The following TMEM181 variants were observed in gnomAD, a reference collection of about 807,000 sequenced individuals.
The protein encoded by TMEM181 is transmembrane protein 181.
Under a neutral mutation model 71.9 loss-of-function variants are expected in TMEM181, and 39 were observed. The observed-to-expected ratio is 0.54, with a 90% CI of 0.42 to 0.71. TMEM181 has a LOEUF of 0.71. TMEM181 is among the 30% of genes least tolerant of loss of function. TMEM181 has a pLI of 0.00. For missense variants in TMEM181, 595 were observed against 583.0 expected (o/e 1.02, Z -0.21); for synonymous variants, 245 against 228.8 (o/e 1.07, Z -0.64).
intron 5 of TMEM181, among the ~76,000 whole-genome samples, chr6:158,589,115 C>T (rs115034505): frequency 7.1e-4 from 108 of 152,350 alleles, no homozygotes; most frequent in African/African-American, 2.5e-3. Context: ...CACGTATCCT[C>T]ACATCTGCAC....
chr6:158,612,020 G>A (rs12208498), intron 10 of TMEM181, among the ~76,000 whole-genome samples: 12,684 of 150,082 alleles, frequency 0.085, 651 homozygotes, highest in Middle Eastern at 0.21. Context: ...CTATCTTAGC[G>A]CATTTAAAGG....
intron 6 of TMEM181, among the ~76,000 whole-genome samples, chr6:158,593,855 A>G (rs1784245087): frequency 6.6e-6 from 1 of 152,080 alleles, no homozygotes; most frequent in Non-Finnish European, 1.5e-5. Flanking sequence ...CCCCATTGTC[A>G]GCATCTCGCA....
intron 10 of TMEM181, among the ~76,000 whole-genome samples, chr6:158,619,977 G>A (rs118175419): frequency 6.6e-6 from 1 of 152,098 alleles, no homozygotes; most frequent in East Asian, 1.9e-4. Context: ...TGCCATTCCT[G>A]GTGATAAAAT....
Position 158,608,257 on chromosome 6 carries a change from G to A in TMEM181, c.674-76G>A, listed in dbSNP as rs535061783. 453 of 1,517,780 alleles carry A rather than the reference G, an allele frequency of 3.0e-4. 1 individual carries two copies. The highest frequency in any genetic ancestry group is 3.1e-4 in the Non-Finnish European group (348 of 1,129,772). 94.0% of individuals were successfully genotyped at this position (1,517,780 alleles called of 1,614,324 possible). A position where few individuals can be genotyped will look rare whatever the true frequency, so the allele number is the denominator to read the frequency against. On this transcript the variant is annotated intron_variant, in intron 8 of 16. Transcript: ENST00000684151. ...GTGCTCTCTGCTAGGTGCTGACCCC[G>A]CAGAGGTATGGGGTGCTGTCTGCCA...
chr6:158,570,399 A>ATT (rs536558603), intron 1 of TMEM181, among the ~76,000 whole-genome samples: 1 of 142,686 alleles, frequency 7.0e-6, no homozygotes. Flanking sequence ...AGCCTGGCTA[A>ATT]TTTTTTTTTT....
At position 158,623,636 on chromosome 6, in the gene TMEM181, TTTC is replaced by T. The variant is rs1186998758; in HGVS notation, c.954+35_954+37del. The T allele has an allele frequency of 1.7e-5, 25 of 1,505,970 alleles. No individual in the cohort carries two copies. The Middle Eastern group carries it at 8.6e-4, about 52-fold the overall frequency. 93.3% of individuals were successfully genotyped at this position (1,505,970 alleles called of 1,614,324 possible). A position where few individuals can be genotyped will look rare whatever the true frequency, so the allele number is the denominator to read the frequency against. ...AGGATTGTTAATGAGGCCTGCAATT[TTTC>T]TTCTTAATGCTGTTTTGTAAAATTA... On this transcript the variant is annotated intron_variant, in intron 11 of 16. Coordinates refer to ENST00000684151, the MANE Select transcript of TMEM181 (RefSeq NM_001376852.1).
intron 6 of TMEM181, among the ~76,000 whole-genome samples, chr6:158,601,180 A>G (rs1394184841): frequency 6.6e-6 from 1 of 152,234 alleles, no homozygotes; most frequent in Non-Finnish European, 1.5e-5. Context: ...GGTTTATAGT[A>G]GTAACTATTG....
rs1196857164 is a variant in TMEM181, at chr6:158,632,839, GGGA to G, written c.*955_*957del. On this transcript the variant is annotated 3_prime_UTR_variant, in exon 17 of 17. Transcript: ENST00000684151. Reference sequence around the variant, plus strand: ...TCTCAACACTTTGGGAGGCCAAGGTGGGAGGATCACTTGAGCCCAGGAGTTTGA... The same window carrying G: ...TCTCAACACTTTGGGAGGCCAAGGTGGGATCACTTGAGCCCAGGAGTTTGA... The G allele has an allele frequency of 2.0e-5, 3 of 152,600 alleles. No individual in the cohort carries two copies. Among genetic ancestry groups the G allele is most frequent in the Non-Finnish European group, 2.9e-5 (2 of 68,238 alleles). 9.5% of individuals were successfully genotyped at this position (152,600 alleles called of 1,614,324 possible). A position where few individuals can be genotyped will look rare whatever the true frequency, so the allele number is the denominator to read the frequency against.
chr6:158,587,710 G>C (rs139267823), intron 5 of TMEM181, among the ~76,000 whole-genome samples: 489 of 151,968 alleles, frequency 3.2e-3, no homozygotes, highest in African/African-American at 0.011. Flanking sequence ...TTGCAGGTGG[G>C]AAAGCTGAGG....
intron 2 of TMEM181, among the ~76,000 whole-genome samples, chr6:158,578,772 C>T (rs1692463960): frequency 6.6e-6 from 1 of 152,130 alleles, no homozygotes; most frequent in Non-Finnish European, 1.5e-5. Flanking sequence ...AATAAACTCT[C>T]CAATTAAAAA....
At chr6:158,544,182 A>AGAGTGTGTGTGTGTGTGTGTGTGTGT (rs149735409) in intron 1 of TMEM181, among the ~76,000 whole-genome samples, 3 of 127,648 alleles carry the variant, frequency 2.4e-5, no homozygotes, top group Non-Finnish European at 3.3e-5. Context: ...AATTGGAGAG[A>AGAGTGTGTGTGTGTGTGTGTGTGTGT]GTGTGTGTGT....
Position 158,631,863 on chromosome 6 carries a change from A to G in TMEM181, c.1403A>G (p.Tyr468Cys). The change falls in exon 17 of 17, where the codon TAC becomes TGC. Residue 468 changes from tyrosine to cysteine, a missense_variant. By Grantham distance (194) the Tyr-to-Cys change is radical. Transcript: ENST00000684151. The part of the protein sequence containing the change: ...LQNGQAIRAK[Y>C]KEESDSD ...AACGGCCAGGCCATCCGGGCCAAGTACAAGGAGGAGTCAGATAGTGACTGA... is the reference window on the plus strand; with the variant it reads ...AACGGCCAGGCCATCCGGGCCAAGTGCAAGGAGGAGTCAGATAGTGACTGA... 2 of 1,597,318 alleles carry G rather than the reference A, an allele frequency of 1.3e-6. No homozygotes were observed. The highest frequency in any genetic ancestry group is 1.7e-6 in the Non-Finnish European group (2 of 1,171,588).
At chr6:158,625,338 G>A in intron 12 of TMEM181, 132 bp downstream of exon 12, 1 of 778,464 alleles carries the variant, frequency 1.3e-6, no homozygotes, top group Non-Finnish European at 2.1e-6. Context: ...CACAGGCTGG[G>A]GACCAGGGCA....
chr6:158,599,096 C>T (rs1033838052), intron 6 of TMEM181, among the ~76,000 whole-genome samples: 6 of 152,214 alleles, frequency 3.9e-5, no homozygotes, highest in Non-Finnish European at 7.3e-5. Context: ...GTTGTCCATT[C>T]AGAGGACTCT....
upstream of TMEM181, among the ~76,000 whole-genome samples, chr6:158,556,302 A>G (rs778025674): frequency 6.6e-6 from 1 of 152,226 alleles, no homozygotes; most frequent in Non-Finnish European, 1.5e-5. Flanking sequence ...TGAGTACCAC[A>G]CACCCGTTCT....
chr6:158,629,368 T>TA (rs1485910243), intron 14 of TMEM181, among the ~76,000 whole-genome samples: 1 of 152,226 alleles, frequency 6.6e-6, no homozygotes, highest in Non-Finnish European at 1.5e-5. Flanking sequence ...TTATTGTGTC[T>TA]AGAGACCTTG....
rs746384562 is a variant in TMEM181, at chr6:158,605,996, T to G, written c.573+649T>G. On this transcript the variant is annotated intron_variant, in intron 7 of 16. Transcript: ENST00000684151. ...TGCCTGCATCAGCTGCTTGTCCTTG[T>G]GCGGGATGGTGGGGAGGTGACATTT... 1.7e-4 allele frequency among the ~76,000 whole-genome samples: 26 copies of G among 152,326 alleles called. No individual in the cohort carries two copies. In the Middle Eastern group the frequency reaches 0.017, roughly 100 times the overall value.
intron 13 of TMEM181, 72 bp from the exon 14 acceptor site, chr6:158,628,336 A>C (rs1786455497): frequency 3.5e-6 from 5 of 1,419,902 alleles, no homozygotes; most frequent in Non-Finnish European, 5.0e-6. Context: ...TGGGGTGAAT[A>C]GAGAATTCTC....
intron 10 of TMEM181, among the ~76,000 whole-genome samples, chr6:158,618,778 T>G (rs1355033714): frequency 6.6e-6 from 1 of 152,244 alleles, no homozygotes; most frequent in Non-Finnish European, 1.5e-5. Flanking sequence ...TACGAAACTC[T>G]GGGTTGAAAA....
Sources: gnomAD v4.1 joint callset for allele counts (sites outside exome capture counted in the v4.1 genomes callset) on GRCh38, gnomAD v4.1.1 for gene constraint, MANE v1.5 for transcripts, NCBI Gene and HGNC (gene_info 2026-07-23, HGNC 2026-07-21) for gene names.